PTPN21: variants seen among roughly 807,000 people sequenced by gnomAD.
The protein encoded by PTPN21 is tyrosine-protein phosphatase non-receptor type 21.
Under a neutral mutation model 131.8 loss-of-function variants are expected in PTPN21, and 77 were observed. The observed-to-expected ratio is 0.58, with a 90% CI of 0.49 to 0.71. PTPN21 has a LOEUF of 0.71. PTPN21 is among the 30% of genes least tolerant of loss of function. The pLI, the probability that PTPN21 is intolerant of heterozygous loss-of-function variation, is 0.00. For synonymous variants in PTPN21, 715 were observed against 621.3 expected, an observed-to-expected ratio of 1.15 and a Z score of -2.24; for missense variants, 1,552 against 1,527.1, an observed-to-expected ratio of 1.02 and a Z score of -0.27.
At chr14:88,471,936 C>A (rs1268667076) in intron 15 of PTPN21, among the ~76,000 whole-genome samples, 1 of 148,156 alleles carries the variant, frequency 6.7e-6, no homozygotes, top group Non-Finnish European at 1.5e-5. Flanking sequence ...AAAAAAAAAG[C>A]CGGGCAAATA....
intron 10 of PTPN21, among the ~76,000 whole-genome samples, chr14:88,490,007 G>T (rs1319679478): frequency 2.0e-5 from 3 of 149,430 alleles, no homozygotes; most frequent in Non-Finnish European, 2.9e-5. Context: ...GAAATGTGTG[G>T]TTTTCTTTTT....
chr14:88,478,829 G>A, intron 13 of PTPN21, 91 bp downstream of exon 13: 1 of 782,368 alleles, frequency 1.3e-6, no homozygotes, highest in Admixed American at 3.0e-5. Context: ...AAGAACAAGA[G>A]GAGCTGAAAA....
chr14:88,478,969 T>C lies in PTPN21; in HGVS notation c.2462A>G (p.Asp821Gly). 1.9e-6 allele frequency: 3 copies of C among 1,548,884 alleles called. No homozygotes were observed. Among genetic ancestry groups the C allele is most frequent in the Non-Finnish European group, 2.6e-6 (3 of 1,148,260 alleles). Residue 821 changes from aspartate to glycine, a missense_variant, in exon 13 of 19, where the codon GAC becomes GGC. By Grantham distance (94) the Asp-to-Gly change is moderately conservative (BLOSUM62 -1). This residue lies in a region of PTPN21 where 1,016 missense variants were observed against 883.5 expected (regional missense o/e 1.15). Coordinates refer to ENST00000556564, the MANE Select transcript of PTPN21 (RefSeq NM_007039.4). Reference protein sequence around the residue: ...RDSLKKRPVSDLLSGKKNIVE... With the variant: ...RDSLKKRPVSGLLSGKKNIVE... ...GATGTTCTTCTTCCCAGAGAGAAGG[T>C]CCGACACCGGCCTTTTCTTCAGAGA...
In PTPN21 at chr14:88,551,532, T is replaced by C. The variant is rs117364639; in HGVS notation, c.-202-913A>G. The C allele has an allele frequency of 4.4e-3, 672 of 152,368 alleles. 15 individuals are homozygous for C. In the East Asian group the frequency reaches 0.055, roughly 13 times the overall value. 9.4% of individuals were successfully genotyped at this position (152,368 alleles called of 1,614,324 possible). ...AACCCTCTTTCTGCAGCCGCGTTTC[T>C]GGACGGACGCGCTCTAAAAGGACCG... On this transcript the variant is annotated intron_variant, in intron 1 of 18. Transcript: ENST00000556564.
intron 2 of PTPN21, among the ~76,000 whole-genome samples, chr14:88,531,199 CAACA>C (rs1027552991): frequency 1.3e-5 from 2 of 152,076 alleles, no homozygotes; most frequent in African/African-American, 4.8e-5. Flanking sequence ...TTTGAATCAA[CAACA>C]AAATAAAGAC....
intron 10 of PTPN21, among the ~76,000 whole-genome samples, chr14:88,488,677 G>A (rs528998941): frequency 1.8e-4 from 27 of 152,262 alleles, no homozygotes; most frequent in South Asian, 1.0e-3. Flanking sequence ...TGAGCCAGGC[G>A]TGGTGGCACA....
In PTPN21 at chr14:88,466,646, GGC is replaced by G. The variant is rs1455462123; in HGVS notation, c.*1489_*1490del. On this transcript the variant is annotated 3_prime_UTR_variant, in exon 19 of 19. Coordinates refer to ENST00000556564, the MANE Select transcript of PTPN21 (RefSeq NM_007039.4). Reference sequence around the variant, plus strand: ...GCCTACTCAGCGGTCACTGTGACAAGGCCATCTTAATCGGGGCCAGAGATGAC... The same window carrying G: ...GCCTACTCAGCGGTCACTGTGACAAGCATCTTAATCGGGGCCAGAGATGAC... 6.6e-6 allele frequency: 1 copy of G among 152,208 alleles called. No homozygotes were observed. The highest frequency in any genetic ancestry group is 1.5e-5 in the Non-Finnish European group (1 of 68,054). 9.4% of individuals were successfully genotyped at this position (152,208 alleles called of 1,614,324 possible). A position where few individuals can be genotyped will look rare whatever the true frequency, so the allele number is the denominator to read the frequency against.
chr14:88,482,987 C>T (rs1170081920), intron 12 of PTPN21, among the ~76,000 whole-genome samples: 1 of 151,734 alleles, frequency 6.6e-6, no homozygotes, highest in African/African-American at 2.4e-5. Flanking sequence ...CCAAGGCAGG[C>T]GGATTACGAG....
In PTPN21 at chr14:88,468,066, A is replaced by G. The variant is rs754635015; in HGVS notation, c.*71T>C. ...GATCAAGTGTCAACGGGAAAGTATG[A>G]GTTAGGCAAGCGCTTTTTTTTTAAG... On this transcript the variant is annotated 3_prime_UTR_variant, in exon 19 of 19. Coordinates refer to ENST00000556564, the MANE Select transcript of PTPN21 (RefSeq NM_007039.4). The G allele has an allele frequency of 6.5e-7, 1 of 1,549,206 alleles. No individual in the cohort carries two copies. The highest frequency in any genetic ancestry group is 1.1e-5 in the South Asian group (1 of 87,858).
intron 10 of PTPN21, among the ~76,000 whole-genome samples, chr14:88,495,687 C>G (rs2077902453): frequency 2.6e-5 from 4 of 152,084 alleles, no homozygotes. Context: ...AAGAAACAGC[C>G]TAGAAAGAGG....
intron 2 of PTPN21, among the ~76,000 whole-genome samples, chr14:88,549,024 G>C (rs1868973129): frequency 6.6e-6 from 1 of 152,218 alleles, no homozygotes; most frequent in African/African-American, 2.4e-5. Flanking sequence ...CTTGCCCAAG[G>C]TAACAGAAGC....
chr14:88,516,818 A>G (rs923935029), intron 3 of PTPN21, among the ~76,000 whole-genome samples: 1 of 152,206 alleles, frequency 6.6e-6, no homozygotes, highest in East Asian at 1.9e-4. Context: ...CAAAAACATT[A>G]AAGGTAACAT....
Position 88,480,046 on chromosome 14 carries a change from A to T in PTPN21, c.1385T>A (p.Leu462Gln), listed in dbSNP as rs771042956. 1 of 1,614,010 alleles carries T rather than the reference A, an allele frequency of 6.2e-7. No homozygotes were observed. The highest frequency in any genetic ancestry group is 1.1e-5 in the South Asian group (1 of 91,088). Reference protein sequence around the residue: ...ETVMKQLNRGLVHAERQSHSL... With the variant: ...ETVMKQLNRGQVHAERQSHSL... ...GTGGCTCTGCCGTTCCGCATGCACC[A>T]GGCCCCTGTTGAGCTGCTTCATCAC... Residue 462 changes from leucine (L) to glutamine (Q), a missense_variant, in exon 13 of 19, where the codon CTG (leucine) becomes CAG (glutamine). Leu to Gln is a moderately radical substitution (Grantham distance 113, BLOSUM62 -2). This residue lies in a region of PTPN21 where 1,016 missense variants were observed against 883.5 expected (regional missense o/e 1.15). Coordinates refer to ENST00000556564, the MANE Select transcript of PTPN21 (RefSeq NM_007039.4).
At chr14:88,501,134 T>G in intron 7 of PTPN21, 147 bp downstream of exon 7, 1 of 763,912 alleles carries the variant, frequency 1.3e-6, no homozygotes, top group South Asian at 1.7e-5. Context: ...ACCACAAAAC[T>G]TTGGTCACCA....
chr14:88,496,274 A>T, intron 10 of PTPN21, 139 bp downstream of exon 10: 1 of 704,816 alleles, frequency 1.4e-6, no homozygotes, highest in Non-Finnish European at 2.3e-6. Flanking sequence ...GTTGGTCCAA[A>T]GCTAAAATAG....
chr14:88,503,758 C>A (rs1289381388), intron 6 of PTPN21: 2 of 152,130 alleles, frequency 1.3e-5, no homozygotes, highest in African/African-American at 2.4e-5. Flanking sequence ...TTTCAACTTA[C>A]TATGGGTTTA....
chr14:88,475,049 G>A (rs2077529683), intron 13 of PTPN21, among the ~76,000 whole-genome samples: 1 of 151,974 alleles, frequency 6.6e-6, no homozygotes, highest in Non-Finnish European at 1.5e-5. Context: ...CTGAGATCGT[G>A]CCACTGCACT....
chr14:88,492,526 G>A (rs1393043031), intron 10 of PTPN21, among the ~76,000 whole-genome samples: 4 of 152,190 alleles, frequency 2.6e-5, no homozygotes, highest in African/African-American at 4.8e-5. Flanking sequence ...TGCAAACATG[G>A]TGCAGGGGAA....
intron 10 of PTPN21, among the ~76,000 whole-genome samples, chr14:88,490,297 C>T (rs1459364241): frequency 2.0e-5 from 3 of 152,154 alleles, no homozygotes; most frequent in Non-Finnish European, 2.9e-5. Flanking sequence ...GCATGAGCCA[C>T]CGTGACCGGC....
Sources: allele counts gnomAD v4.1 joint callset (sites outside exome capture counted in the v4.1 genomes callset), GRCh38; gene constraint gnomAD v4.1.1; regional missense constraint gnomAD v4.1.1; transcripts MANE v1.5; gene names NCBI Gene and HGNC (gene_info 2026-07-23, HGNC 2026-07-21).